Variants in LYRM4 observed in about 807,000 individuals in gnomAD.
The protein encoded by LYRM4 is LYR motif-containing protein 4.
Under a neutral mutation model 11.7 loss-of-function variants are expected in LYRM4, and 9 were observed. That is an observed-to-expected ratio of 0.77 (90% confidence interval 0.46 to 1.34). The LOEUF (loss-of-function observed/expected upper bound fraction) is 1.34, where lower values mean the gene tolerates loss of function less well. Ranked by LOEUF, LYRM4 falls within the 40% of genes most tolerant of loss-of-function variation. The pLI is 0.00. For synonymous variants in LYRM4, 42 were observed against 40.4 expected, an observed-to-expected ratio of 1.04 and a Z score of -0.15; for missense variants, 133 against 112.5, an observed-to-expected ratio of 1.18 and a Z score of -0.82.
chr6:5,050,584 C>T, the LYRM4 span, among the ~76,000 whole-genome samples: 2 of 151,932 alleles, frequency 1.3e-5, no homozygotes, highest in Non-Finnish European at 2.9e-5. Flanking sequence ...TATTTAAGAA[C>T]TAGGACATCA....
intron 2 of LYRM4, among the ~76,000 whole-genome samples, chr6:5,205,992 G>A (rs563391649): frequency 7.9e-5 from 12 of 152,292 alleles, no homozygotes; most frequent in South Asian, 2.1e-4. Context: ...GGAGCCGACC[G>A]TGAAGAACCA....
intron 2 of LYRM4, among the ~76,000 whole-genome samples, chr6:5,185,093 C>T (rs1167272086): frequency 2.0e-5 from 3 of 152,222 alleles, no homozygotes; most frequent in Non-Finnish European, 4.4e-5. Flanking sequence ...TTACTTGCTG[C>T]ATCACAATAC....
intron 2 of LYRM4, among the ~76,000 whole-genome samples, chr6:5,139,434 A>G (rs1296208536): frequency 6.6e-6 from 1 of 152,268 alleles, no homozygotes; most frequent in East Asian, 1.9e-4. Context: ...GACAATGAGG[A>G]GTATCAGATA....
chr6:5,070,346 AG>A, the LYRM4 span, among the ~76,000 whole-genome samples: 1 of 152,190 alleles, frequency 6.6e-6, no homozygotes, highest in Non-Finnish European at 1.5e-5. Context: ...AGTGTGATGG[AG>A]GGTGCAGGAG....
intron 2 of LYRM4, chr6:5,187,039 G>A: frequency 2.1e-6 from 2 of 964,320 alleles, no homozygotes; most frequent in South Asian, 4.8e-5. Context: ...CAAAATAAAT[G>A]ACAAACGAGG....
At chr6:5,102,030 C>T (rs1294009568), downstream of LYRM4, among the ~76,000 whole-genome samples, 1 of 131,436 alleles carries the variant, frequency 7.6e-6, no homozygotes, top group Non-Finnish European at 1.6e-5. Flanking sequence ...TGGCCTCAAG[C>T]AGTCCTCTTG....
the LYRM4 span, among the ~76,000 whole-genome samples, chr6:5,062,475 C>A: frequency 5.9e-5 from 9 of 151,898 alleles, no homozygotes; most frequent in Non-Finnish European, 5.9e-5. Flanking sequence ...TTAATAATAT[C>A]ATTTCCCCTG....
intron 2 of LYRM4, among the ~76,000 whole-genome samples, chr6:5,137,690 T>C (rs955334657): frequency 6.6e-6 from 1 of 152,196 alleles, no homozygotes; most frequent in Non-Finnish European, 1.5e-5. Context: ...ATATTCTGCA[T>C]CTAATGTCCT....
chr6:5,093,534 C>T, the LYRM4 span, among the ~76,000 whole-genome samples: 1 of 152,254 alleles, frequency 6.6e-6, no homozygotes, highest in South Asian at 2.1e-4. Context: ...TTAGACTCTG[C>T]CATGTCCAGT....
chr6:5,174,480 C>T (rs1355020312), intron 2 of LYRM4, among the ~76,000 whole-genome samples: 3 of 152,062 alleles, frequency 2.0e-5, no homozygotes, highest in Non-Finnish European at 2.9e-5. Flanking sequence ...CACAAAAGCT[C>T]GAGTTTCAAA....
At chr6:5,141,996 C>T (rs367661604) in intron 2 of LYRM4, among the ~76,000 whole-genome samples, 1 of 152,212 alleles carries the variant, frequency 6.6e-6, no homozygotes, top group South Asian at 2.1e-4. Flanking sequence ...GGGTCTGTGA[C>T]AGGCTGCCCT....
the LYRM4 span, among the ~76,000 whole-genome samples, chr6:5,057,346 C>T: frequency 5.3e-5 from 8 of 152,126 alleles, no homozygotes; most frequent in African/African-American, 1.9e-4. Context: ...TCCTCCCTGC[C>T]CACCCTTTCC....
At chr6:5,218,640 G>A (rs1462832501) in intron 1 of LYRM4, among the ~76,000 whole-genome samples, 2 of 152,176 alleles carry the variant, frequency 1.3e-5, no homozygotes, top group Non-Finnish European at 2.9e-5. Flanking sequence ...TATTTCAGAG[G>A]AGCTGCTGAG....
intron 2 of LYRM4, among the ~76,000 whole-genome samples, chr6:5,213,363 C>A (rs536740074): frequency 2.1e-4 from 32 of 152,270 alleles, no homozygotes; most frequent in African/African-American, 7.5e-4. Context: ...AGCTGACTCA[C>A]GTGACTGAAG....
rs760488804 is a variant in LYRM4 at position 5,203,181 on chromosome 6, A to T, written c.207+13437T>A. ...GGTAACTTGCTCCAGGGGACATTCC[A>T]TGATGCTCGGAAATACAGGCTGAGA... On this transcript the variant is annotated intron_variant, in intron 2 of 2. Coordinates refer to ENST00000330636, the MANE Select transcript of LYRM4 (RefSeq NM_020408.6). Among the ~76,000 whole-genome samples the T allele has an allele frequency of 1.0e-3, 155 of 152,194 alleles. 2 individuals are homozygous for T. Among genetic ancestry groups the T allele is most frequent in the Non-Finnish European group, 6.0e-4 (41 of 68,032 alleles).
intron 2 of LYRM4, among the ~76,000 whole-genome samples, chr6:5,116,689 A>G (rs1763133228): frequency 6.6e-6 from 1 of 152,228 alleles, no homozygotes; most frequent in African/African-American, 2.4e-5. Context: ...AAAGCTGATC[A>G]CACTTTTATT....
At chr6:5,229,465 A>AT (rs1246112816) in intron 1 of LYRM4, among the ~76,000 whole-genome samples, 1 of 152,112 alleles carries the variant, frequency 6.6e-6, no homozygotes, top group African/African-American at 2.4e-5. Context: ...TGGGTGCAAC[A>AT]TAAGGGCAAA....
chr6:5,135,421 A>T (rs112875994), intron 2 of LYRM4, among the ~76,000 whole-genome samples: 3 of 20,432 alleles, frequency 1.5e-4, no homozygotes, highest in Non-Finnish European at 2.6e-4. Context: ...GGTGCGGTTC[A>T]CTCCCGGGGC....
the LYRM4 span, among the ~76,000 whole-genome samples, chr6:5,073,109 C>T: frequency 2.6e-5 from 4 of 152,252 alleles, no homozygotes; most frequent in East Asian, 7.7e-4. Flanking sequence ...GACATGGTGG[C>T]TCACACTGTA....
Sources: allele counts gnomAD v4.1 joint callset (sites outside exome capture counted in the v4.1 genomes callset), GRCh38; gene constraint gnomAD v4.1.1; transcripts MANE v1.5; gene names NCBI Gene and HGNC (gene_info 2026-07-23, HGNC 2026-07-21).